Variants in FRAS1 observed in about 807,000 individuals in gnomAD.
The protein encoded by FRAS1 is Fraser extracellular matrix complex subunit 1.
In FRAS1, 290 loss-of-function variants were observed where a neutral mutation model predicts 435.2. That is an observed-to-expected ratio of 0.67 (90% CI 0.61 to 0.73). The LOEUF (loss-of-function observed/expected upper bound fraction) is 0.73, where lower values mean the gene tolerates loss of function less well. FRAS1 is among the 30% of genes least tolerant of loss of function. FRAS1 has a pLI of 0.00. For missense variants in FRAS1, 4,860 were observed against 5,001.5 expected (o/e 0.97, Z 0.85); for synonymous variants, 1,800 against 1,851.0 (o/e 0.97, Z 0.71).
At chr4:78,346,531 A>C (rs766186122) in intron 20 of FRAS1, among the ~76,000 whole-genome samples, 2 of 152,138 alleles carry the variant, frequency 1.3e-5, no homozygotes, top group Non-Finnish European at 2.9e-5. Flanking sequence ...TCACTGATCT[A>C]GTTTCCATAA....
intron 20 of FRAS1, among the ~76,000 whole-genome samples, chr4:78,358,547 G>A (rs909829497): frequency 1.1e-5 from 1 of 90,706 alleles, no homozygotes; most frequent in Non-Finnish European, 2.7e-5. Flanking sequence ...ATAAAATGGG[G>A]ATAATAACAG....
rs79709774 is a variant in FRAS1, at chr4:78,192,786, G to T, written c.109-44724G>T. On this transcript the variant is annotated intron_variant, in intron 2 of 73. Transcript: ENST00000512123. ...TCTCTATTTCCTTCAGTTCTGCTAC[G>T]ATCTTAGTTACTTCTTGCCTTCTAA... 8.9e-3 allele frequency among the ~76,000 whole-genome samples: 1,354 copies of T among 152,168 alleles called. 4 individuals are homozygous for T. The highest frequency in any genetic ancestry group is 0.014 in the Non-Finnish European group (961 of 68,016).
At chr4:78,149,326 G>A (rs1720548443) in intron 2 of FRAS1, among the ~76,000 whole-genome samples, 3 of 152,124 alleles carry the variant, frequency 2.0e-5, no homozygotes, top group Non-Finnish European at 4.4e-5. Flanking sequence ...TATTTGCTGA[G>A]GACTTGGCTT....
chr4:78,365,120 A>T (rs1731213463), intron 22 of FRAS1, among the ~76,000 whole-genome samples: 1 of 152,234 alleles, frequency 6.6e-6, no homozygotes, highest in South Asian at 2.1e-4. Flanking sequence ...CTAAAATGAG[A>T]GGCAAATAAA....
chr4:78,370,247 C>A (rs551136836), intron 23 of FRAS1, among the ~76,000 whole-genome samples: 2 of 152,270 alleles, frequency 1.3e-5, no homozygotes, highest in East Asian at 3.9e-4. Flanking sequence ...ATTGTAAATC[C>A]TCAGGTTATA....
intron 2 of FRAS1, among the ~76,000 whole-genome samples, chr4:78,212,529 G>A (rs1723559796): frequency 6.6e-6 from 1 of 152,196 alleles, no homozygotes; most frequent in Non-Finnish European, 1.5e-5. Context: ...GGATTTGGGA[G>A]CAAACCTGAC....
chr4:78,390,872 C>T (rs992057009), intron 29 of FRAS1, among the ~76,000 whole-genome samples: 1 of 152,150 alleles, frequency 6.6e-6, no homozygotes. Flanking sequence ...GTGTTTAATT[C>T]CTAGTGAATG....
Position 78,541,187 on chromosome 4 carries a change from T to A in FRAS1, c.*63T>A. On this transcript the variant is annotated 3_prime_UTR_variant, in exon 74 of 74. Coordinates refer to ENST00000512123, the MANE Select transcript of FRAS1 (RefSeq NM_025074.7). ...TTTATAAAATGGGGGGAAATACTGG[T>A]ATTTTTATAATCTCGCAGATAAAAA... The A allele has an allele frequency of 1.0e-6, 1 of 978,136 alleles. No homozygotes were observed. The allele number at this position is 978,136 out of a possible 1,614,324, so 60.6% of individuals were successfully genotyped here.
intron 2 of FRAS1, among the ~76,000 whole-genome samples, chr4:78,222,571 AG>A (rs1380792375): frequency 2.0e-5 from 3 of 152,212 alleles, no homozygotes; most frequent in Non-Finnish European, 2.9e-5. Context: ...GAGTAAGTTC[AG>A]GGGTGGCAAT....
intron 61 of FRAS1, among the ~76,000 whole-genome samples, chr4:78,500,715 C>G (rs1357141193): frequency 6.6e-6 from 1 of 152,126 alleles, no homozygotes; most frequent in South Asian, 2.1e-4. Context: ...TTTCTCTCCC[C>G]TCACCAGAGC....
intron 20 of FRAS1, among the ~76,000 whole-genome samples, chr4:78,338,738 C>A (rs1165195020): frequency 2.6e-5 from 4 of 152,132 alleles, no homozygotes; most frequent in African/African-American, 9.7e-5. Context: ...ATCACAGTAT[C>A]CAGCAGGCAC....
chr4:78,291,682 G>A (rs181700166), intron 14 of FRAS1, among the ~76,000 whole-genome samples: 49 of 152,242 alleles, frequency 3.2e-4, no homozygotes, highest in Non-Finnish European at 5.9e-4. Context: ...TACATGAAGT[G>A]TATAAAGTAA....
rs763247183 is a variant in FRAS1 at position 78,450,294 on chromosome 4, A to G, written c.6418A>G (p.Ile2140Val). Residue 2140 changes from isoleucine to valine, a missense_variant, in exon 45 of 74, where the codon ATT (isoleucine) becomes GTT (valine). By Grantham distance (29) the Ile-to-Val change is conservative (BLOSUM62 3). Coordinates refer to ENST00000512123, the MANE Select transcript of FRAS1 (RefSeq NM_025074.7). ...MKHGNLEQIS[I>V]KGPIRSFTQA... ...GCATGGCAACCTGGAGCAAATTTCT[A>G]TTAAAGGCCCCATCCGAAGTTTCAC... 1.9e-6 allele frequency: 3 copies of G among 1,613,762 alleles called. No homozygotes were observed. The East Asian group carries it at 6.7e-5, about 36-fold the overall frequency.
chr4:78,255,179 C>A, intron 5 of FRAS1, 63 bp from the exon 6 acceptor site: 1 of 1,520,194 alleles, frequency 6.6e-7, no homozygotes, highest in African/African-American at 1.4e-5. Flanking sequence ...CACGCCCATG[C>A]AGTCAGCCCT....
chr4:78,216,903 A>G (rs1167185342), intron 2 of FRAS1, among the ~76,000 whole-genome samples: 2 of 152,160 alleles, frequency 1.3e-5, no homozygotes, highest in Admixed American at 6.5e-5. Context: ...GAGATGCTAG[A>G]AGACCAATAT....
At chr4:78,389,929 T>C (rs1452888098) in intron 29 of FRAS1, among the ~76,000 whole-genome samples, 1 of 152,224 alleles carries the variant, frequency 6.6e-6, no homozygotes, top group African/African-American at 2.4e-5. Context: ...AGGTATTTTC[T>C]ATGTCTGTCT....
chr4:78,182,093 G>A (rs1166302641), intron 2 of FRAS1: 7 of 1,434,036 alleles, frequency 4.9e-6, no homozygotes, highest in Non-Finnish European at 6.5e-6. Flanking sequence ...AGCGGGCCGC[G>A]CCGAGCCAAG....
At chr4:78,534,407 G>T in intron 70 of FRAS1, 42 bp from the exon 71 acceptor site, 1 of 1,580,744 alleles carries the variant, frequency 6.3e-7, no homozygotes. Flanking sequence ...ATGCAAAGCT[G>T]ACCCTGCTCT....
At chr4:78,119,276 G>T (rs1038842724) in intron 2 of FRAS1, among the ~76,000 whole-genome samples, 1 of 152,082 alleles carries the variant, frequency 6.6e-6, no homozygotes, top group Non-Finnish European at 1.5e-5. Context: ...GCATGCTAGA[G>T]CTTCCTCCTC....
Sources: gnomAD v4.1 joint callset for allele counts (sites outside exome capture counted in the v4.1 genomes callset) on GRCh38, gnomAD v4.1.1 for gene constraint, MANE v1.5 for transcripts, NCBI Gene and HGNC (gene_info 2026-07-23, HGNC 2026-07-21) for gene names.